The following CACNA2D3 variants were observed in gnomAD, a reference collection of about 807,000 sequenced individuals.
CACNA2D3 encodes the protein voltage-dependent calcium channel subunit alpha-2/delta-3.
CACNA2D3 carries 60 observed loss-of-function variants against 160.6 expected under a neutral mutation model. That is an observed-to-expected ratio of 0.37 (90% CI 0.30 to 0.46). The LOEUF (loss-of-function observed/expected upper bound fraction) is 0.46. Ranked by LOEUF, CACNA2D3 falls within the 20% of genes least tolerant of loss-of-function variation. CACNA2D3 has a pLI of 1.00. For missense variants in CACNA2D3, 1,205 were observed against 1,365.0 expected (o/e 0.88, Z 1.85); for synonymous variants, 558 against 492.9 (o/e 1.13, Z -1.75).
chr3:54,895,950 TATG>T (rs1184144255), intron 25 of CACNA2D3, among the ~76,000 whole-genome samples: 9 of 152,088 alleles, frequency 5.9e-5, no homozygotes, highest in African/African-American at 2.2e-4. Context: ...GGGGAGGGGA[TATG>T]ATGATTGTGC....
intron 4 of CACNA2D3, among the ~76,000 whole-genome samples, chr3:54,427,359 C>G (rs981623273): frequency 6.6e-6 from 1 of 152,092 alleles, no homozygotes; most frequent in Admixed American, 6.5e-5. Context: ...AATGGCCGTT[C>G]ATTTGGTTAA....
intron 5 of CACNA2D3, among the ~76,000 whole-genome samples, chr3:54,557,845 A>G (rs1702263875): frequency 6.6e-6 from 1 of 152,164 alleles, no homozygotes; most frequent in East Asian, 1.9e-4. Context: ...CCCCCAGGCT[A>G]TGATAGGGTT....
At chr3:54,328,438 C>T (rs535438151) in intron 3 of CACNA2D3, among the ~76,000 whole-genome samples, 12 of 152,240 alleles carry the variant, frequency 7.9e-5, no homozygotes, top group South Asian at 4.2e-4. Context: ...TCCGCCACCA[C>T]GCCTGGCTAA....
intron 6 of CACNA2D3, among the ~76,000 whole-genome samples, chr3:54,568,016 C>T (rs916970423): frequency 1.3e-5 from 2 of 152,196 alleles, no homozygotes; most frequent in African/African-American, 2.4e-5. Context: ...TTGTTGTAGT[C>T]CTTCATAGTT....
intron 4 of CACNA2D3, among the ~76,000 whole-genome samples, chr3:54,439,153 G>A (rs901021489): frequency 1.3e-5 from 2 of 152,156 alleles, no homozygotes; most frequent in Non-Finnish European, 2.9e-5. Context: ...GCAGTTGGGG[G>A]TGCCCACCTC....
At chr3:54,147,438 G>A (rs1209947359) in intron 2 of CACNA2D3, among the ~76,000 whole-genome samples, 1 of 152,238 alleles carries the variant, frequency 6.6e-6, no homozygotes. Flanking sequence ...GTAAAGGAGG[G>A]ACCAAAACAG....
intron 9 of CACNA2D3, among the ~76,000 whole-genome samples, chr3:54,606,730 A>G (rs1283124840): frequency 6.6e-6 from 1 of 152,136 alleles, no homozygotes; most frequent in African/African-American, 2.4e-5. Context: ...CCCTGTGCGC[A>G]CACACTGGAG....
chr3:54,277,759 A>G (rs1702780527), intron 2 of CACNA2D3, among the ~76,000 whole-genome samples: 1 of 152,186 alleles, frequency 6.6e-6, no homozygotes, highest in Non-Finnish European at 1.5e-5. Context: ...TCTGTACATG[A>G]GCATGGAATG....
At chr3:54,664,369 T>C (rs1700026661) in intron 11 of CACNA2D3, among the ~76,000 whole-genome samples, 1 of 152,236 alleles carries the variant, frequency 6.6e-6, no homozygotes, top group Admixed American at 6.5e-5. Context: ...CAGAAAGCCA[T>C]ATCTACATGT....
At chr3:54,593,965 A>G (rs151303658) in intron 9 of CACNA2D3, among the ~76,000 whole-genome samples, 80 of 152,240 alleles carry the variant, frequency 5.3e-4, no homozygotes, top group African/African-American at 1.8e-3. Flanking sequence ...CTTTTTTTAT[A>G]TTATACTATA....
chr3:54,513,040 A>C (rs141014256), intron 5 of CACNA2D3, among the ~76,000 whole-genome samples: 23 of 152,102 alleles, frequency 1.5e-4, no homozygotes, highest in African/African-American at 5.3e-4. Flanking sequence ...CATGGGAAAA[A>C]CCTGCCCCAT....
intron 2 of CACNA2D3, among the ~76,000 whole-genome samples, chr3:54,186,969 C>T (rs950639835): frequency 2.0e-5 from 3 of 152,166 alleles, no homozygotes; most frequent in Non-Finnish European, 4.4e-5. Flanking sequence ...GCCTGATGTT[C>T]CCAGAGGTCT....
In CACNA2D3 at chr3:54,915,599, TG is replaced by T. The variant is rs977544261; in HGVS notation, c.2449+15733del. Among the ~76,000 whole-genome samples, 28 of 152,330 alleles carry T rather than the reference TG, an allele frequency of 1.8e-4. No individual in the cohort carries two copies. The Middle Eastern group carries it at 0.01, about 56-fold the overall frequency. On this transcript the variant is annotated intron_variant, in intron 27 of 37. Transcript: ENST00000474759. ...TGTAGTGGTTGTGAAAGATAATTTG[TG>T]GTTCTCACAGAATACCCTGCAAATT...
chr3:54,980,185 C>T (rs1207901062), intron 29 of CACNA2D3, among the ~76,000 whole-genome samples: 1 of 152,166 alleles, frequency 6.6e-6, no homozygotes, highest in Non-Finnish European at 1.5e-5. Flanking sequence ...ACCTTATAGA[C>T]AAATGTATTC....
intron 4 of CACNA2D3, among the ~76,000 whole-genome samples, chr3:54,433,451 T>C (rs1700017703): frequency 6.6e-6 from 1 of 152,254 alleles, no homozygotes; most frequent in Non-Finnish European, 1.5e-5. Context: ...CTTTTGGCTT[T>C]TGTAAAATTA....
intron 29 of CACNA2D3, among the ~76,000 whole-genome samples, chr3:54,979,617 A>G (rs915322435): frequency 2.0e-5 from 3 of 152,190 alleles, no homozygotes; most frequent in African/African-American, 7.2e-5. Context: ...AAAGTAAAAG[A>G]AAAATATTAC....
chr3:54,404,736 A>G (rs998335908), intron 4 of CACNA2D3, among the ~76,000 whole-genome samples: 5 of 152,124 alleles, frequency 3.3e-5, no homozygotes, highest in South Asian at 2.1e-4. Flanking sequence ...AAAACCCCAA[A>G]GACTCCACCA....
chr3:54,166,622 C>T (rs1490154413), intron 2 of CACNA2D3, among the ~76,000 whole-genome samples: 1 of 152,152 alleles, frequency 6.6e-6, no homozygotes, highest in African/African-American at 2.4e-5. Context: ...TCCCCAGTAC[C>T]TTTAATCACA....
At chr3:54,832,665 A>G (rs1703906252) in intron 14 of CACNA2D3, among the ~76,000 whole-genome samples, 1 of 152,216 alleles carries the variant, frequency 6.6e-6, no homozygotes, top group Non-Finnish European at 1.5e-5. Context: ...GGACTTGGAA[A>G]AGAGAGCCTC....
Sources: allele counts gnomAD v4.1 joint callset (sites outside exome capture counted in the v4.1 genomes callset), GRCh38; gene constraint gnomAD v4.1.1; transcripts MANE v1.5; gene names NCBI Gene and HGNC (gene_info 2026-07-23, HGNC 2026-07-21).